RAB3C: variants seen among roughly 807,000 people sequenced by gnomAD.
RAB3C encodes the protein RAB3C, member RAS oncogene family, also known as ras-related protein Rab-3C.
In RAB3C, 17 loss-of-function variants were observed where a neutral mutation model predicts 26.4. The observed-to-expected ratio is 0.64, with a 90% CI of 0.44 to 0.97. The LOEUF is 0.97. RAB3C is among the 50% of genes least tolerant of loss of function. RAB3C has a pLI of 0.00. For synonymous variants in RAB3C, 91 were observed against 95.9 expected, an observed-to-expected ratio of 0.95 and a Z score of 0.30; for missense variants, 242 against 281.9, an observed-to-expected ratio of 0.86 and a Z score of 1.01.
intron 2 of RAB3C, among the ~76,000 whole-genome samples, chr5:58,690,538 G>C (rs987713491): frequency 1.3e-5 from 2 of 152,074 alleles, no homozygotes; most frequent in African/African-American, 4.8e-5. Flanking sequence ...TGTATGTTTG[G>C]GGCCACAGAT....
chr5:58,732,064 T>TTTTA (rs72117623), intron 3 of RAB3C, among the ~76,000 whole-genome samples: 5 of 148,934 alleles, frequency 3.4e-5, no homozygotes, highest in Admixed American at 1.3e-4. Context: ...TTATAGAGAA[T>TTTTA]TTTATTTATT....
In RAB3C at chr5:58,758,636, T is replaced by C. The variant is rs111857876; in HGVS notation, c.371+32516T>C. Among the ~76,000 whole-genome samples the C allele has an allele frequency of 1.1e-4, 16 of 152,196 alleles. 1 individual carries two copies. Among genetic ancestry groups the C allele is most frequent in the African/African-American group, 3.6e-4 (15 of 41,526 alleles). ...GGAATTTGCAATCAAATGGGGAAGA[T>C]AATAAAGAAATAAATACACTATCAG... On this transcript the variant is annotated intron_variant, in intron 3 of 4. Transcript: ENST00000282878.
At chr5:58,674,847 T>C (rs1240290944) in intron 2 of RAB3C, among the ~76,000 whole-genome samples, 1 of 151,592 alleles carries the variant, frequency 6.6e-6, no homozygotes, top group Admixed American at 6.6e-5. Context: ...AGTCTTGAGA[T>C]GAAACATACA....
intron 3 of RAB3C, among the ~76,000 whole-genome samples, chr5:58,813,836 G>T (rs938497779): frequency 7.2e-5 from 11 of 152,076 alleles, no homozygotes; most frequent in African/African-American, 2.7e-4. Context: ...TACAAAATGG[G>T]TTAACACCCA....
Position 58,711,970 on chromosome 5 carries a change from A to C in RAB3C, c.253-14032A>C, listed in dbSNP as rs542501580. ...ACCTGAATATTGTTTCAGTTCTTACAATGTAAAAATGGTAGAAAATGCACA... is the reference window on the plus strand; with the variant it reads ...ACCTGAATATTGTTTCAGTTCTTACCATGTAAAAATGGTAGAAAATGCACA... On this transcript the variant is annotated intron_variant, in intron 2 of 4. Transcript: ENST00000282878. Among the ~76,000 whole-genome samples, 8 of 152,262 alleles carry C rather than the reference A, an allele frequency of 5.3e-5. No homozygotes were observed. The South Asian group carries it at 1.7e-3, about 32-fold the overall frequency.
chr5:58,662,191 T>C (rs1444791181), intron 2 of RAB3C, among the ~76,000 whole-genome samples: 2 of 150,114 alleles, frequency 1.3e-5, no homozygotes, highest in African/African-American at 5.1e-5. Context: ...TGGAAATTAT[T>C]AGACTCTGGA....
intron 2 of RAB3C, among the ~76,000 whole-genome samples, chr5:58,690,365 CT>C (rs1343334165): frequency 2.0e-5 from 3 of 151,982 alleles, no homozygotes; most frequent in African/African-American, 7.2e-5. Flanking sequence ...TCATGGTTTC[CT>C]ATGTAAAAAA....
chr5:58,626,066 A>T (rs1475346404), intron 2 of RAB3C, among the ~76,000 whole-genome samples: 3 of 152,142 alleles, frequency 2.0e-5, no homozygotes, highest in Non-Finnish European at 4.4e-5. Flanking sequence ...GACGCTCAGG[A>T]TTATCAGCAT....
chr5:58,631,748 C>G lies in RAB3C; in HGVS notation c.252+13878C>G, dbSNP rs1036570157. On this transcript the variant is annotated intron_variant, in intron 2 of 4. Transcript: ENST00000282878. ...AGTTTTGTTTTTTGGGGTTTTTCCT[C>G]TCTTCAAATTTTGCAAAGCAATTAA... 2.0e-5 allele frequency among the ~76,000 whole-genome samples: 3 copies of G among 152,168 alleles called. No individual in the cohort carries two copies. The East Asian group carries it at 5.8e-4, about 29-fold the overall frequency.
chr5:58,729,862 G>A, intron 3 of RAB3C, among the ~76,000 whole-genome samples: 1 of 140,078 alleles, frequency 7.1e-6, no homozygotes, highest in Non-Finnish European at 1.5e-5. Context: ...TATACTATAT[G>A]TATATTTATA....
intron 3 of RAB3C, among the ~76,000 whole-genome samples, chr5:58,761,606 GAAACCC>G (rs1169524950): frequency 1.3e-5 from 2 of 151,922 alleles, no homozygotes; most frequent in East Asian, 3.9e-4. Flanking sequence ...TGTCCTCCTG[GAAACCC>G]TGAACTTTGA....
At chr5:58,652,500 A>T (rs1426648315) in intron 2 of RAB3C, among the ~76,000 whole-genome samples, 1 of 151,618 alleles carries the variant, frequency 6.6e-6, no homozygotes, top group Non-Finnish European at 1.5e-5. Flanking sequence ...TCATTATTGC[A>T]TGAACTGTAC....
At chr5:58,752,706 G>A (rs1325071243) in intron 3 of RAB3C, among the ~76,000 whole-genome samples, 4 of 152,036 alleles carry the variant, frequency 2.6e-5, no homozygotes, top group African/African-American at 9.7e-5. Context: ...AACTTTGGGG[G>A]AATTATAGAG....
intron 3 of RAB3C, among the ~76,000 whole-genome samples, chr5:58,737,431 ATATATATATATATATAT>A (rs1561305196): frequency 0.012 from 1,193 of 102,012 alleles, 36 homozygotes; most frequent in South Asian, 0.034. Context: ...ATATATATAT[ATATATATATATATATAT>A]AATTTACTTG....
At chr5:58,786,984 G>A (rs1742404521) in intron 3 of RAB3C, among the ~76,000 whole-genome samples, 1 of 152,046 alleles carries the variant, frequency 6.6e-6, no homozygotes, top group African/African-American at 2.4e-5. Flanking sequence ...GAGATAAGAC[G>A]ACCAGGGCCA....
At chr5:58,697,565 T>C (rs1250457058) in intron 2 of RAB3C, among the ~76,000 whole-genome samples, 1 of 152,222 alleles carries the variant, frequency 6.6e-6, no homozygotes, top group Non-Finnish European at 1.5e-5. Context: ...TCTAAGTTTC[T>C]TTGTACATCT....
chr5:58,791,506 A>T (rs1742521812), intron 3 of RAB3C, among the ~76,000 whole-genome samples: 1 of 152,242 alleles, frequency 6.6e-6, no homozygotes, highest in Admixed American at 6.5e-5. Context: ...ATTTTCAAGA[A>T]GGTATGATTA....
chr5:58,636,977 CTT>C (rs1747302773), intron 2 of RAB3C, among the ~76,000 whole-genome samples: 2 of 151,862 alleles, frequency 1.3e-5, no homozygotes. Context: ...AGGAAAGAAA[CTT>C]TTAATAATAG....
At chr5:58,659,865 A>C (rs774028640) in intron 2 of RAB3C, among the ~76,000 whole-genome samples, 29 of 152,174 alleles carry the variant, frequency 1.9e-4, no homozygotes, top group Non-Finnish European at 4.0e-4. Flanking sequence ...ATGCAGTGAC[A>C]TGATCTCGGC....
Sources: gnomAD v4.1 joint callset for allele counts (sites outside exome capture counted in the v4.1 genomes callset) on GRCh38, gnomAD v4.1.1 for gene constraint, MANE v1.5 for transcripts, NCBI Gene and HGNC (gene_info 2026-07-23, HGNC 2026-07-21) for gene names.